Variants in PASD1 observed in about 807,000 individuals in gnomAD.
PASD1 encodes the protein circadian clock protein PASD1.
A neutral mutation model predicts 58.8 loss-of-function variants in PASD1; 13 were observed. The ratio of observed to expected loss-of-function variants is 0.22; its 90% CI spans 0.14 to 0.35. The LOEUF (loss-of-function observed/expected upper bound fraction) is 0.35. Ranked by LOEUF, PASD1 falls within the 10% of genes least tolerant of loss-of-function variation. PASD1 has a pLI of 1.00. For synonymous variants in PASD1, 236 were observed against 216.7 expected, an observed-to-expected ratio of 1.09 and a Z score of -0.78; for missense variants, 734 against 568.3, an observed-to-expected ratio of 1.29 and a Z score of -2.96.
chrX:151,620,901 C>T, intron 4 of PASD1, 29 bp from the exon 5 acceptor site: 1 of 1,118,437 alleles, frequency 8.9e-7, no homozygotes, highest in Non-Finnish European at 1.2e-6. Flanking sequence ...TCCTTTTTCC[C>T]TCCACCTCCT....
At chrX:151,573,511 G>T (rs895329553) in intron 1 of PASD1, among the ~76,000 whole-genome samples, 3 of 112,429 alleles carry the variant, frequency 2.7e-5, no homozygotes, top group African/African-American at 9.7e-5. Context: ...TGCAGTGATC[G>T]GGGAGAGACT....
intron 9 of PASD1, among the ~76,000 whole-genome samples, chrX:151,657,439 A>G (rs2014257096): frequency 8.9e-6 from 1 of 111,811 alleles, no homozygotes; most frequent in Non-Finnish European, 1.9e-5. Flanking sequence ...GAATGGTACC[A>G]GCTCCTCCTT....
At chrX:151,644,844 T>G (rs1177692508) in intron 8 of PASD1, among the ~76,000 whole-genome samples, 5 of 111,388 alleles carry the variant, frequency 4.5e-5, no homozygotes, top group Non-Finnish European at 9.4e-5. Context: ...TGACCCCAGC[T>G]TCTGTTCACC....
At chrX:151,654,275 T>A (rs2014209202) in intron 9 of PASD1, among the ~76,000 whole-genome samples, 1 of 110,177 alleles carries the variant, frequency 9.1e-6, no homozygotes, top group Non-Finnish European at 1.9e-5. Flanking sequence ...TAGCCAATGG[T>A]GTTTTCTTTG....
At chrX:151,645,904 T>TGTGTTTTGTTTTGTTTTG (rs572037507) in intron 8 of PASD1, 1 of 106,635 alleles carries the variant, frequency 9.4e-6, no homozygotes, top group Non-Finnish European at 1.9e-5. Flanking sequence ...TGTGAGGTGT[T>TGTGTTTTGTTTTGTTTTG]TTTTGTTTTG....
intron 9 of PASD1, among the ~76,000 whole-genome samples, chrX:151,652,550 AAAAC>A (rs1300707216): frequency 1.0e-4 from 11 of 109,400 alleles, no homozygotes; most frequent in Non-Finnish European, 2.1e-4. Context: ...AAAAAAACAA[AAAAC>A]AAACAAACAA....
chrX:151,587,323 C>G (rs150599151), intron 1 of PASD1, among the ~76,000 whole-genome samples: 10 of 103,101 alleles, frequency 9.7e-5, no homozygotes, highest in African/African-American at 3.2e-4. Context: ...TGCATTTTTA[C>G]AGGTAAGACT....
intron 9 of PASD1, among the ~76,000 whole-genome samples, chrX:151,651,837 GT>G (rs1203176493): frequency 3.6e-5 from 4 of 111,873 alleles, no homozygotes; most frequent in Non-Finnish European, 7.5e-5. Context: ...TATTGAATAA[GT>G]TGCCCAAAGT....
In PASD1 at chrX:151,648,669, C is replaced by CGCT. The variant is rs750036801; in HGVS notation, c.706_708dup (p.Ala236dup). ...GCATGAAAGCCGTGTACGTTGAACC[C>CGCT]GCTGCTGCTGCTGCTGCTGCTGCTA... On this transcript the variant is annotated inframe_insertion, in exon 9 of 16. Transcript: ENST00000370357. The CGCT allele has an allele frequency of 1.4e-4, 164 of 1,207,384 alleles. No individual in the cohort carries two copies. The highest frequency in any genetic ancestry group is 4.4e-4 in the African/African-American group (25 of 56,917).
chrX:151,595,648 C>A (rs931064721), intron 1 of PASD1, among the ~76,000 whole-genome samples: 9 of 110,444 alleles, frequency 8.1e-5, no homozygotes, highest in African/African-American at 3.0e-4. Flanking sequence ...TGGCATGAAC[C>A]CGGGAGGCAG....
intron 8 of PASD1, among the ~76,000 whole-genome samples, chrX:151,627,171 AT>A (rs1236195157): frequency 9.0e-6 from 1 of 110,844 alleles, no homozygotes; most frequent in African/African-American, 3.3e-5. Flanking sequence ...TCTAATTTTT[AT>A]TTTTATTTAT....
intron 2 of PASD1, among the ~76,000 whole-genome samples, chrX:151,603,411 T>G (rs1383040824): frequency 3.6e-5 from 4 of 112,440 alleles, no homozygotes; most frequent in African/African-American, 1.3e-4. Context: ...AAGTCCTTTA[T>G]GATTTATTTA....
chrX:151,667,813 A>G (rs1189572656), intron 11 of PASD1, among the ~76,000 whole-genome samples: 1 of 111,991 alleles, frequency 8.9e-6, no homozygotes, highest in African/African-American at 3.2e-5. Flanking sequence ...GTCAGGTAGC[A>G]TGATGCCACC....
rs767454609 is a variant in PASD1, at chrX:151,673,911, G to T, written c.1917-17G>T. ...TGTCCAGATCCACATCACTGCAACA[G>T]CTTTCTTCTCTTACAGTTTTTATCC... On this transcript the variant is annotated splice_polypyrimidine_tract_variant and intron_variant, in intron 14 of 15. Transcript: ENST00000370357. 2.5e-6 allele frequency: 3 copies of T among 1,210,372 alleles called. No homozygotes were observed. The South Asian group carries it at 5.3e-5, about 21-fold the overall frequency.
chrX:151,671,836 C>T, intron 13 of PASD1, 57 bp downstream of exon 13: 5 of 1,088,110 alleles, frequency 4.6e-6, no homozygotes, highest in Non-Finnish European at 6.3e-6. Context: ...TTCTTGAGGA[C>T]TTTGACTCAC....
intron 9 of PASD1, among the ~76,000 whole-genome samples, chrX:151,650,696 A>G (rs1474500221): frequency 8.9e-6 from 1 of 111,968 alleles, no homozygotes; most frequent in African/African-American, 3.3e-5. Flanking sequence ...AAACAGACAA[A>G]ATATATGACA....
At chrX:151,659,621 G>C in intron 9 of PASD1, 92 bp from the exon 10 acceptor site, 2 of 897,142 alleles carry the variant, frequency 2.2e-6, no homozygotes, top group Non-Finnish European at 3.0e-6. Flanking sequence ...ATTGTGATGT[G>C]AAATGCATCA....
rs776559146 is a variant in PASD1 at position 151,628,839 on chromosome X, T to C, written c.629+3309T>C. On this transcript the variant is annotated intron_variant, in intron 8 of 15. Coordinates refer to ENST00000370357, the MANE Select transcript of PASD1 (RefSeq NM_173493.3). The stretch of plus-strand genomic sequence containing the variant: ...TACCCATGAGCATGGAATGTTCTTC[T>C]GTTTGTTTGTATCCTCTTTTATTTC... Among the ~76,000 whole-genome samples the C allele has an allele frequency of 4.1e-3, 453 of 111,775 alleles. 2 individuals carry two copies. The highest frequency in any genetic ancestry group is 5.4e-3 in the Non-Finnish European group (285 of 53,137).
chrX:151,622,678 A>G (rs1022175306), intron 6 of PASD1, among the ~76,000 whole-genome samples: 6 of 110,262 alleles, frequency 5.4e-5, no homozygotes, highest in Non-Finnish European at 1.1e-4. Flanking sequence ...TCTTTTGGAG[A>G]CTAAAATATC....
Sources: allele counts gnomAD v4.1 joint callset (sites outside exome capture counted in the v4.1 genomes callset), GRCh38; gene constraint gnomAD v4.1.1; transcripts MANE v1.5; gene names NCBI Gene and HGNC (gene_info 2026-07-23, HGNC 2026-07-21).